Variants in STIM2 observed in about 807,000 individuals in gnomAD.
The protein encoded by STIM2 is stromal interaction molecule 2.
Under a neutral mutation model 85.8 loss-of-function variants are expected in STIM2, and 31 were observed. The observed-to-expected ratio is 0.36, with a 90% confidence interval of 0.27 to 0.49. The LOEUF is 0.49. Ranked by LOEUF, STIM2 falls within the 20% of genes least tolerant of loss-of-function variation. STIM2 has a pLI of 0.98. For missense variants in STIM2, 841 were observed against 927.6 expected, an observed-to-expected ratio of 0.91 and a Z score of 1.21; for synonymous variants, 356 against 331.1, an observed-to-expected ratio of 1.08 and a Z score of -0.82.
At chr4:26,967,912 C>G (rs778538489) in intron 3 of STIM2, among the ~76,000 whole-genome samples, 3 of 152,084 alleles carry the variant, frequency 2.0e-5, no homozygotes, top group East Asian at 1.9e-4. Context: ...GTGAAAAAAC[C>G]CATTAGATTT....
chr4:26,887,311 A>G (rs888405968), intron 1 of STIM2, among the ~76,000 whole-genome samples: 6 of 149,404 alleles, frequency 4.0e-5, no homozygotes, highest in South Asian at 2.1e-4. Flanking sequence ...TTGGGTTAAG[A>G]TGTATCTTGC....
intron 1 of STIM2, among the ~76,000 whole-genome samples, chr4:26,911,262 A>G (rs1210920265): frequency 6.6e-6 from 1 of 151,918 alleles, no homozygotes; most frequent in Non-Finnish European, 1.5e-5. Context: ...AAATAAAATG[A>G]AATGAAATAA....
chr4:26,964,867 C>T (rs186475354), intron 3 of STIM2, among the ~76,000 whole-genome samples: 51 of 152,104 alleles, frequency 3.4e-4, no homozygotes, highest in Non-Finnish European at 5.0e-4. Flanking sequence ...GCATGTCCAT[C>T]CACCTACAGA....
intron 1 of STIM2, among the ~76,000 whole-genome samples, chr4:26,908,569 C>T (rs776667795): frequency 1.3e-5 from 2 of 152,176 alleles, no homozygotes; most frequent in Non-Finnish European, 2.9e-5. Flanking sequence ...CTGCAACCTC[C>T]GCCTCTTGGG....
intron 7 of STIM2, 91 bp downstream of exon 7, chr4:27,003,195 T>A (rs903957123): frequency 8.0e-7 from 1 of 1,242,554 alleles, no homozygotes; most frequent in African/African-American, 1.6e-5. Context: ...TTCCTACATT[T>A]AGTTCCACTG....
rs143071033 is a variant in STIM2, at chr4:26,995,396, G to A, written c.415G>A (p.Glu139Lys). 14 of 1,586,370 alleles carry A rather than the reference G, an allele frequency of 8.8e-6. No homozygotes were observed. In the African/African-American group the frequency reaches 1.9e-4, roughly 22 times the overall value. The change falls in exon 4 of 12, where the codon GAA (glutamate) becomes AAA (lysine). Residue 139 changes from glutamate to lysine, a missense_variant. Glu to Lys is a moderately conservative substitution (Grantham distance 56). This residue lies in a region of STIM2 where 408 missense variants were observed against 525.4 expected (regional missense o/e 0.78). Transcript: ENST00000467087. Reference sequence around the variant, plus strand: ...TCCTGCAGTTCATAATTGGACCCTTGAAGACACTCTTCAGTGGTTGATAGA... The same window carrying A: ...TCCTGCAGTTCATAATTGGACCCTTAAAGACACTCTTCAGTGGTTGATAGA...
chr4:26,937,448 C>T (rs535350354), intron 2 of STIM2, among the ~76,000 whole-genome samples: 2 of 152,112 alleles, frequency 1.3e-5, no homozygotes, highest in Non-Finnish European at 2.9e-5. Flanking sequence ...TTGCATTGAT[C>T]TAATATACTT....
At chr4:26,916,161 AC>A (rs1192855829) in intron 1 of STIM2, among the ~76,000 whole-genome samples, 8 of 152,244 alleles carry the variant, frequency 5.3e-5, no homozygotes, top group Admixed American at 6.5e-5. Flanking sequence ...AAGGTAAACA[AC>A]TAAAAACGAA....
At chr4:26,939,067 T>C (rs1452796726) in intron 2 of STIM2, among the ~76,000 whole-genome samples, 1 of 152,164 alleles carries the variant, frequency 6.6e-6, no homozygotes, top group Non-Finnish European at 1.5e-5. Flanking sequence ...TTTAGTTCAT[T>C]TACTAGGACC....
intron 2 of STIM2, among the ~76,000 whole-genome samples, chr4:26,929,158 T>C (rs1002754044): frequency 6.6e-6 from 1 of 152,164 alleles, no homozygotes; most frequent in Admixed American, 6.6e-5. Flanking sequence ...TTTAGACATA[T>C]TGGGTTACAT....
intron 3 of STIM2, among the ~76,000 whole-genome samples, chr4:26,992,666 C>A (rs1396073313): frequency 1.3e-5 from 2 of 152,062 alleles, no homozygotes; most frequent in African/African-American, 4.8e-5. Context: ...ACTCAGCAAA[C>A]AGCACGTACA....
At chr4:26,865,716 T>A (rs1410973822) in intron 1 of STIM2, among the ~76,000 whole-genome samples, 1 of 152,144 alleles carries the variant, frequency 6.6e-6, no homozygotes, top group East Asian at 1.9e-4. Context: ...GAGTTTGGAC[T>A]TCACCTTGTT....
chr4:26,953,326 C>G (rs1726125514), intron 2 of STIM2, among the ~76,000 whole-genome samples: 1 of 152,164 alleles, frequency 6.6e-6, no homozygotes. Context: ...CATATAAAAA[C>G]CACTCAAAAT....
At chr4:26,890,770 G>A (rs911280556) in intron 1 of STIM2, among the ~76,000 whole-genome samples, 4 of 147,642 alleles carry the variant, frequency 2.7e-5, no homozygotes, top group African/African-American at 7.6e-5. Flanking sequence ...CTTGCAGTGA[G>A]CCGAGATCCC....
At chr4:26,863,583 T>G (rs1324806424) in intron 1 of STIM2, among the ~76,000 whole-genome samples, 1 of 152,148 alleles carries the variant, frequency 6.6e-6, no homozygotes, top group Admixed American at 6.5e-5. Context: ...GTAAATGTTA[T>G]GCAAAGCCTA....
At chr4:26,873,833 C>T (rs12646473) in intron 1 of STIM2, 178,266 of 953,310 alleles carry the variant, frequency 0.19, 19,040 homozygotes, top group East Asian at 0.44. Flanking sequence ...CCTCAACCGC[C>T]GTAGTGGGTG....
chr4:26,951,777 CTATA>C (rs1179576689), intron 2 of STIM2, among the ~76,000 whole-genome samples: 1 of 151,870 alleles, frequency 6.6e-6, no homozygotes, highest in Non-Finnish European at 1.5e-5. Context: ...AAATGACTTG[CTATA>C]TATATTTTTG....
intron 1 of STIM2, among the ~76,000 whole-genome samples, chr4:26,889,862 G>A (rs146851550): frequency 2.1e-4 from 32 of 152,292 alleles, no homozygotes; most frequent in African/African-American, 6.7e-4. Flanking sequence ...CAGCATTCAC[G>A]TGGGACACAG....
At chr4:26,999,572 TAAA>T (rs555492585) in intron 5 of STIM2, among the ~76,000 whole-genome samples, 1 of 152,224 alleles carries the variant, frequency 6.6e-6, no homozygotes, top group Non-Finnish European at 1.5e-5. Context: ...AGAAGTTATA[TAAA>T]AAACTATATT....
Sources: allele counts gnomAD v4.1 joint callset (sites outside exome capture counted in the v4.1 genomes callset), GRCh38; gene constraint gnomAD v4.1.1; regional missense constraint gnomAD v4.1.1; transcripts MANE v1.5; gene names NCBI Gene and HGNC (gene_info 2026-07-23, HGNC 2026-07-21).